STK39: variants seen among roughly 807,000 people sequenced by gnomAD.
The protein encoded by STK39 is STE20/SPS1-related proline-alanine-rich protein kinase.
A neutral mutation model predicts 77.8 loss-of-function variants in STK39; 20 were observed. That is an observed-to-expected ratio of 0.26 (90% CI 0.18 to 0.37). The LOEUF (loss-of-function observed/expected upper bound fraction) is 0.37. Ranked by LOEUF, STK39 falls within the 10% of genes least tolerant of loss-of-function variation. The pLI is 1.00. For missense variants in STK39, 479 were observed against 656.5 expected (o/e 0.73, Z 2.95); for synonymous variants, 246 against 234.1 (o/e 1.05, Z -0.47).
chr2:168,049,488 G>A (rs1685338556), intron 14 of STK39, among the ~76,000 whole-genome samples: 1 of 152,168 alleles, frequency 6.6e-6, no homozygotes, highest in African/African-American at 2.4e-5. Flanking sequence ...TTTAAATGAG[G>A]ACCTACCAGG....
intron 16 of STK39, among the ~76,000 whole-genome samples, chr2:167,977,007 T>C (rs1683292301): frequency 6.6e-6 from 1 of 152,124 alleles, no homozygotes; most frequent in Non-Finnish European, 1.5e-5. Flanking sequence ...TGTCAAACAG[T>C]CTTGAGTATT....
chr2:167,964,315 C>A, intron 17 of STK39: 1 of 198,386 alleles, frequency 5.0e-6, no homozygotes, highest in Non-Finnish European at 1.0e-5. Flanking sequence ...CTTAGGAAAG[C>A]TTTATTAAGA....
chr2:168,058,193 T>C (rs929254098), intron 14 of STK39, among the ~76,000 whole-genome samples: 1 of 152,204 alleles, frequency 6.6e-6, no homozygotes, highest in African/African-American at 2.4e-5. Context: ...TTTGTCCCCA[T>C]CACTCCACTG....
chr2:167,983,003 A>G (rs1416742027), intron 16 of STK39, among the ~76,000 whole-genome samples: 3 of 152,208 alleles, frequency 2.0e-5, no homozygotes, highest in Non-Finnish European at 2.9e-5. Flanking sequence ...TGTACACCCA[A>G]TATTGAGCGC....
rs533387025 is a variant in STK39 at position 168,139,111 on chromosome 2, A to G, written c.841-890T>C. 2.0e-5 allele frequency among the ~76,000 whole-genome samples: 3 copies of G among 152,332 alleles called. No homozygotes were observed. The East Asian group carries it at 5.8e-4, about 29-fold the overall frequency. On this transcript the variant is annotated intron_variant, in intron 7 of 17. Transcript: ENST00000355999. ...TATTGTTTGTGGAGGATAATAGCCC[A>G]CAGGAGAAAGCGGGAGACTGGGAAC...
intron 1 of STK39, among the ~76,000 whole-genome samples, chr2:168,198,109 T>G (rs1269523066): frequency 2.0e-5 from 3 of 152,000 alleles, no homozygotes; most frequent in African/African-American, 7.2e-5. Flanking sequence ...GAAATCCCAT[T>G]GCCCAAACAC....
chr2:168,197,427 T>A (rs1272931834), intron 1 of STK39, among the ~76,000 whole-genome samples: 1 of 152,182 alleles, frequency 6.6e-6, no homozygotes, highest in Non-Finnish European at 1.5e-5. Context: ...AGATGTCAAT[T>A]TGAAAGCCTT....
rs149118962 is a variant in STK39, at chr2:167,981,064, A to G, written c.1499-16338T>C. 2.2e-3 allele frequency among the ~76,000 whole-genome samples: 328 copies of G among 152,076 alleles called. 3 individuals are homozygous for G. Among genetic ancestry groups the G allele is most frequent in the Non-Finnish European group, 3.5e-3 (238 of 67,950 alleles). On this transcript the variant is annotated intron_variant, in intron 16 of 17. Coordinates refer to ENST00000355999, the MANE Select transcript of STK39 (RefSeq NM_013233.3). ...AGGCCACAGAGTAAAAAAAAAAATG[A>G]AAGACTTGAAATCTAATCCTGTTTA...
At chr2:167,975,746 G>A (rs754563679) in intron 16 of STK39, among the ~76,000 whole-genome samples, 11 of 152,182 alleles carry the variant, frequency 7.2e-5, no homozygotes, top group East Asian at 5.8e-4. Flanking sequence ...CCTGGGAGGC[G>A]GAGTTTGCAG....
intron 16 of STK39, among the ~76,000 whole-genome samples, chr2:167,974,738 A>G (rs769633969): frequency 5.3e-4 from 80 of 152,294 alleles, no homozygotes; most frequent in Admixed American, 2.0e-4. Context: ...AAGCATGCAA[A>G]ATGCTAGAGT....
chr2:168,091,772 A>G (rs1386915312), intron 10 of STK39, among the ~76,000 whole-genome samples: 1 of 152,130 alleles, frequency 6.6e-6, no homozygotes, highest in Non-Finnish European at 1.5e-5. Flanking sequence ...CATTATCAAC[A>G]TTTTGCCAAT....
intron 5 of STK39, among the ~76,000 whole-genome samples, chr2:168,159,954 C>T (rs11899482): frequency 6.6e-6 from 1 of 152,148 alleles, no homozygotes; most frequent in African/African-American, 2.4e-5. Context: ...CAGGCACGTA[C>T]TGGGTCACAA....
At chr2:167,974,348 C>A (rs551370517) in intron 16 of STK39, among the ~76,000 whole-genome samples, 29 of 152,146 alleles carry the variant, frequency 1.9e-4, no homozygotes, top group African/African-American at 6.5e-4. Flanking sequence ...TTTCCAAAAT[C>A]AAATTTGAGC....
At chr2:168,230,410 A>G (rs560656406) in intron 1 of STK39, among the ~76,000 whole-genome samples, 15 of 152,282 alleles carry the variant, frequency 9.9e-5, no homozygotes, top group Admixed American at 9.2e-4. Context: ...CAGGATGAGA[A>G]ATCAGTGGAA....
intron 16 of STK39, among the ~76,000 whole-genome samples, chr2:167,997,140 TAGG>T (rs1683866584): frequency 6.6e-6 from 1 of 151,274 alleles, no homozygotes; most frequent in Admixed American, 6.6e-5. Flanking sequence ...AGAGAAGTAA[TAGG>T]AGAAGGTTTT....
At chr2:168,209,052 G>A (rs1162371167) in intron 1 of STK39, among the ~76,000 whole-genome samples, 1 of 152,106 alleles carries the variant, frequency 6.6e-6, no homozygotes, top group South Asian at 2.1e-4. Context: ...ATACCACCCA[G>A]AATCACATTC....
chr2:168,088,470 C>G (rs143246655), intron 10 of STK39, among the ~76,000 whole-genome samples: 3 of 152,256 alleles, frequency 2.0e-5, no homozygotes, highest in African/African-American at 4.8e-5. Context: ...AAAGGAGGCA[C>G]AGAAATCAGT....
In STK39 at chr2:167,980,011, A is replaced by G. The variant is rs569007696; in HGVS notation, c.1499-15285T>C. Among the ~76,000 whole-genome samples the G allele has an allele frequency of 3.9e-5, 6 of 152,300 alleles. No homozygotes were observed. The South Asian group carries it at 1.2e-3, about 32-fold the overall frequency. ...CCAGGAGCACATTCTGGAAATATTA[A>G]CAAGATGATATGCATATAAGCCAAA... On this transcript the variant is annotated intron_variant, in intron 16 of 17. Coordinates refer to ENST00000355999, the MANE Select transcript of STK39 (RefSeq NM_013233.3).
intron 1 of STK39, among the ~76,000 whole-genome samples, chr2:168,225,346 A>G (rs1690277154): frequency 6.6e-6 from 1 of 151,136 alleles, no homozygotes; most frequent in African/African-American, 2.4e-5. Context: ...TCTTCTCAAT[A>G]TCCATGGAGA....
Sources: allele counts gnomAD v4.1 joint callset (sites outside exome capture counted in the v4.1 genomes callset), GRCh38; gene constraint gnomAD v4.1.1; transcripts MANE v1.5; gene names NCBI Gene and HGNC (gene_info 2026-07-23, HGNC 2026-07-21).